The following BACH2 variants were observed in gnomAD, a reference collection of about 807,000 sequenced individuals.
BACH2 encodes the protein BACH transcriptional regulator 2.
Under a neutral mutation model 61.8 loss-of-function variants are expected in BACH2, and 5 were observed. The observed-to-expected ratio is 0.08, with a 90% CI of 0.04 to 0.17. The LOEUF (loss-of-function observed/expected upper bound fraction) is 0.17. Among genes scored for constraint, BACH2 ranks in the 10% least tolerant of loss-of-function variants. The probability of loss-of-function intolerance (pLI) is 1.00; values close to 1 mark genes in which losing one functional copy is unlikely to be tolerated. For synonymous variants in BACH2, 446 were observed against 440.1 expected (o/e 1.01, Z -0.17); for missense variants, 824 against 1,091.1 (o/e 0.76, Z 3.45).
chr6:90,232,786 G>A (rs1192195587), intron 3 of BACH2, among the ~76,000 whole-genome samples: 1 of 152,182 alleles, frequency 6.6e-6, no homozygotes, highest in Admixed American at 6.5e-5. Flanking sequence ...CATAATAGCT[G>A]CCAAAAAGTT....
At chr6:90,270,949 C>G (rs1771499008) in intron 2 of BACH2, among the ~76,000 whole-genome samples, 1 of 152,052 alleles carries the variant, frequency 6.6e-6, no homozygotes, top group South Asian at 2.1e-4. Flanking sequence ...TGATCTTTGA[C>G]AAAGCAAACA....
At chr6:89,985,161 C>T (rs1229446748) in intron 6 of BACH2, among the ~76,000 whole-genome samples, 1 of 152,210 alleles carries the variant, frequency 6.6e-6, no homozygotes, top group African/African-American at 2.4e-5. Flanking sequence ...CATCAGTCAA[C>T]AACAGCAGTG....
intron 4 of BACH2, among the ~76,000 whole-genome samples, chr6:90,106,605 C>T (rs1211168306): frequency 6.6e-6 from 1 of 152,174 alleles, no homozygotes; most frequent in Non-Finnish European, 1.5e-5. Context: ...ACGTACTTCT[C>T]AGAATGCATC....
At chr6:90,214,049 T>C (rs1221538157) in intron 3 of BACH2, among the ~76,000 whole-genome samples, 3 of 152,160 alleles carry the variant, frequency 2.0e-5, no homozygotes, top group Admixed American at 6.6e-5. Context: ...TTTTGCGCAC[T>C]TTAGAAGAAA....
chr6:90,124,040 C>T (rs1783748771), intron 4 of BACH2, among the ~76,000 whole-genome samples: 1 of 152,152 alleles, frequency 6.6e-6, no homozygotes, highest in South Asian at 2.1e-4. Flanking sequence ...GATATCTCCA[C>T]TTAAGGGTGG....
intron 3 of BACH2, among the ~76,000 whole-genome samples, chr6:90,237,342 A>C (rs1770293663): frequency 6.6e-6 from 1 of 152,250 alleles, no homozygotes; most frequent in African/African-American, 2.4e-5. Context: ...CATATCTAAC[A>C]GGTTCAGAGA....
intron 5 of BACH2, among the ~76,000 whole-genome samples, chr6:90,063,418 TA>T (rs1160487184): frequency 6.6e-6 from 1 of 152,126 alleles, no homozygotes; most frequent in Non-Finnish European, 1.5e-5. Context: ...GTTCTTGGGG[TA>T]AACATGACAA....
At chr6:90,188,230 A>ATTTAT (rs1181541510) in intron 4 of BACH2, among the ~76,000 whole-genome samples, 3 of 152,194 alleles carry the variant, frequency 2.0e-5, no homozygotes, top group Non-Finnish European at 4.4e-5. Context: ...AATTATCTAC[A>ATTTAT]TTTATTTTAT....
Position 90,241,121 on chromosome 6 carries a change from C to T in BACH2, c.-275+11392G>A, listed in dbSNP as rs369799057. 5.8e-4 allele frequency among the ~76,000 whole-genome samples: 77 copies of T among 132,394 alleles called. 1 individual carries two copies. The East Asian group carries it at 9.8e-3, about 17-fold the overall frequency. 86.9% of individuals were successfully genotyped at this position (132,394 alleles called of 152,430 possible). ...CTGCACTCCAGCCTGGGTGACAGAG[C>T]GAGACTCCAACTCAAAAAAAAAAAA... On this transcript the variant is annotated intron_variant, in intron 3 of 8. Coordinates refer to ENST00000257749, the MANE Select transcript of BACH2 (RefSeq NM_021813.4).
intron 4 of BACH2, among the ~76,000 whole-genome samples, chr6:90,193,443 G>GATC (rs1227255118): frequency 6.6e-6 from 1 of 152,154 alleles, no homozygotes; most frequent in African/African-American, 2.4e-5. Flanking sequence ...GCCTGGAAGA[G>GATC]ATCCTTGCCT....
At chr6:90,212,301 GC>G (rs1769381850) in intron 3 of BACH2, among the ~76,000 whole-genome samples, 1 of 152,142 alleles carries the variant, frequency 6.6e-6, no homozygotes. Flanking sequence ...CTAGACTCCT[GC>G]CCCCTTCCCC....
intron 5 of BACH2, among the ~76,000 whole-genome samples, chr6:90,062,373 G>C (rs1780729351): frequency 6.6e-6 from 1 of 152,096 alleles, no homozygotes; most frequent in Admixed American, 6.5e-5. Context: ...AAGTTGTTTG[G>C]GTAGTTATAA....
At chr6:90,049,025 T>A (rs1400476090) in intron 5 of BACH2, among the ~76,000 whole-genome samples, 1 of 152,202 alleles carries the variant, frequency 6.6e-6, no homozygotes, top group African/African-American at 2.4e-5. Context: ...TTTGTTGTTA[T>A]ACAGAGAATC....
Position 90,092,290 on chromosome 6 carries a change from AAAT to A in BACH2, c.-161-3184_-161-3182del, listed in dbSNP as rs1259231577. Among the ~76,000 whole-genome samples, 312 of 47,756 alleles carry A rather than the reference AAAT, an allele frequency of 6.5e-3. 4 individuals are homozygous for A. Among genetic ancestry groups the A allele is most frequent in the Admixed American group, 8.0e-3 (33 of 4,134 alleles). The allele number at this position is 47,756 out of a possible 152,430, so 31.3% of individuals were successfully genotyped here. A position where few individuals can be genotyped will look rare whatever the true frequency, so the allele number is the denominator to read the frequency against. Reference sequence around the variant, plus strand: ...GGCACACTGTCAAAGTAAAAAAAAAAAATATATATATATATATATATATATACA... The same window carrying A: ...GGCACACTGTCAAAGTAAAAAAAAAAATATATATATATATATATATATACA... On this transcript the variant is annotated intron_variant, in intron 4 of 8. Transcript: ENST00000257749.
intron 4 of BACH2, among the ~76,000 whole-genome samples, chr6:90,179,753 A>T (rs1768096740): frequency 6.6e-6 from 1 of 152,238 alleles, no homozygotes; most frequent in African/African-American, 2.4e-5. Flanking sequence ...AAAGCCATTT[A>T]TAGTATCATC....
chr6:89,959,978 G>A (rs776467417), intron 6 of BACH2, among the ~76,000 whole-genome samples: 2 of 152,132 alleles, frequency 1.3e-5, no homozygotes, highest in Non-Finnish European at 2.9e-5. Context: ...TTGGCGGTGT[G>A]TTCTGGAAGT....
intron 5 of BACH2, among the ~76,000 whole-genome samples, chr6:90,069,583 T>C (rs890795779): frequency 6.6e-6 from 1 of 151,956 alleles, no homozygotes; most frequent in Non-Finnish European, 1.5e-5. Context: ...AATGGGAAAA[T>C]GTTAACGTAG....
chr6:90,248,281 T>C (rs1770701103), intron 3 of BACH2, among the ~76,000 whole-genome samples: 1 of 152,178 alleles, frequency 6.6e-6, no homozygotes, highest in Admixed American at 6.5e-5. Flanking sequence ...ATTCTTAGAA[T>C]TGGATATTTA....
chr6:89,952,815 TCACA>T (rs1262814348), intron 6 of BACH2: 1 of 152,242 alleles, frequency 6.6e-6, no homozygotes, highest in East Asian at 1.9e-4. Context: ...GCATGCCTGC[TCACA>T]CACAATGACT....
Sources: allele counts gnomAD v4.1 joint callset (sites outside exome capture counted in the v4.1 genomes callset), GRCh38; gene constraint gnomAD v4.1.1; transcripts MANE v1.5; gene names NCBI Gene and HGNC (gene_info 2026-07-23, HGNC 2026-07-21).